The following LRRC49 variants were observed in gnomAD, a reference collection of about 807,000 sequenced individuals.
LRRC49 encodes the protein leucine-rich repeat-containing protein 49.
Under a neutral mutation model 83.3 loss-of-function variants are expected in LRRC49, and 50 were observed. That is an observed-to-expected ratio of 0.60 (90% CI 0.48 to 0.76). The LOEUF (loss-of-function observed/expected upper bound fraction) is 0.76, where lower values mean the gene tolerates loss of function less well. Among genes scored for constraint, LRRC49 ranks in the 30% least tolerant of loss-of-function variants. LRRC49 has a pLI of 0.00. For missense variants in LRRC49, 704 were observed against 809.1 expected, an observed-to-expected ratio of 0.87 and a Z score of 1.58; for synonymous variants, 286 against 283.3, an observed-to-expected ratio of 1.01 and a Z score of -0.10.
At position 70,984,876 on chromosome 15, in the gene LRRC49, G is replaced by A. The variant is rs531245915; in HGVS notation, c.1169+619G>A. On this transcript the variant is annotated intron_variant, in intron 11 of 15. Transcript: ENST00000260382. ...TTCCCACCTATGAGTGAGAATACGC[G>A]GTGTTTGGTTTTCTGTTCTTGCGAT... Among the ~76,000 whole-genome samples the A allele has an allele frequency of 1.8e-3, 275 of 150,294 alleles. 1 individual carries two copies. The highest frequency in any genetic ancestry group is 6.6e-3 in the African/African-American group (269 of 40,856).
At chr15:70,888,909 G>A (rs1328383968), upstream of LRRC49, among the ~76,000 whole-genome samples, 1 of 152,120 alleles carries the variant, frequency 6.6e-6, no homozygotes, top group East Asian at 1.9e-4. Flanking sequence ...ACATTACTAC[G>A]CACTCTGCAA....
rs2034990499 is a variant in LRRC49, at chr15:70,921,153, C to T, written c.711+1960C>T. On this transcript the variant is annotated intron_variant, in intron 7 of 15. Coordinates refer to ENST00000260382, the MANE Select transcript of LRRC49 (RefSeq NM_017691.5). ...ACTAGATTTGTGTAAGTTCTTGAAT[C>T]CCACACATTTGTGAACTTCCCTTTA... 2.0e-5 allele frequency among the ~76,000 whole-genome samples: 3 copies of T among 152,098 alleles called. No individual in the cohort carries two copies. In the South Asian group the frequency reaches 6.2e-4, roughly 31 times the overall value.
At chr15:70,981,999 A>G (rs1046197472) in intron 10 of LRRC49, among the ~76,000 whole-genome samples, 9 of 151,158 alleles carry the variant, frequency 6.0e-5, no homozygotes, top group Non-Finnish European at 8.8e-5. Flanking sequence ...CTCCTGTCTT[A>G]AAATATGTCT....
At chr15:70,892,623 T>G, upstream of LRRC49, 1 of 1,451,320 alleles carries the variant, frequency 6.9e-7, no homozygotes, top group Non-Finnish European at 9.0e-7. Context: ...TTCCCCAGCT[T>G]ATCCTCCTCC....
chr15:70,970,143 T>C (rs1271081577), intron 9 of LRRC49, among the ~76,000 whole-genome samples: 3 of 152,350 alleles, frequency 2.0e-5, no homozygotes, highest in Non-Finnish European at 4.4e-5. Flanking sequence ...TATTTTGAGA[T>C]ATGTTCCATC....
chr15:70,949,683 TACAATACCTATC>T (rs1422089968), intron 8 of LRRC49, among the ~76,000 whole-genome samples: 6 of 152,336 alleles, frequency 3.9e-5, no homozygotes, highest in African/African-American at 1.4e-4. Context: ...CTAGATTTCT[TACAATACCTATC>T]ACAATACCTA....
chr15:70,918,833 G>A (rs1007952138), intron 6 of LRRC49: 9 of 441,954 alleles, frequency 2.0e-5, no homozygotes, highest in African/African-American at 1.4e-4. Flanking sequence ...TGTTTACTAT[G>A]GTCAAATTGT....
chr15:70,930,808 C>G (rs1357752982), intron 7 of LRRC49, among the ~76,000 whole-genome samples: 1 of 152,190 alleles, frequency 6.6e-6, no homozygotes, highest in Non-Finnish European at 1.5e-5. Context: ...ACCTCATGAA[C>G]CAACCTCTGC....
At chr15:70,906,211 C>G (rs1248621669) in intron 5 of LRRC49, among the ~76,000 whole-genome samples, 1 of 151,708 alleles carries the variant, frequency 6.6e-6, no homozygotes, top group Non-Finnish European at 1.5e-5. Context: ...ATTGTCCTGC[C>G]TCAGCCTCCC....
intron 8 of LRRC49, among the ~76,000 whole-genome samples, chr15:70,946,011 A>G (rs2035995979): frequency 6.6e-6 from 1 of 152,212 alleles, no homozygotes; most frequent in African/African-American, 2.4e-5. Flanking sequence ...TTTGATATAT[A>G]TATATACACA....
intron 2 of LRRC49, chr15:70,882,807 A>T (rs1472998395): frequency 6.2e-7 from 1 of 1,614,058 alleles, no homozygotes; most frequent in East Asian, 2.2e-5. Flanking sequence ...GTGTACTTTT[A>T]TGCACTGGGC....
intron 14 of LRRC49, among the ~76,000 whole-genome samples, chr15:71,030,285 G>A (rs961094222): frequency 1.8e-4 from 28 of 152,096 alleles, no homozygotes; most frequent in Admixed American, 1.8e-3. Flanking sequence ...AGCTTAGTTT[G>A]GCTGGATATG....
At chr15:70,919,290 C>A in intron 7 of LRRC49, 97 bp downstream of exon 7, 1 of 1,097,742 alleles carries the variant, frequency 9.1e-7, no homozygotes, top group Non-Finnish European at 1.3e-6. Context: ...TAAGAATCTA[C>A]GGTTATTTAG....
intron 2 of LRRC49, among the ~76,000 whole-genome samples, chr15:70,886,279 C>T (rs946251516): frequency 6.6e-6 from 1 of 152,068 alleles, no homozygotes; most frequent in Non-Finnish European, 1.5e-5. Context: ...AGGTATTCCA[C>T]AAAATATCTC....
rs1177314389 is a variant in LRRC49 at position 71,053,555 on chromosome 15, A to T, written c.*3943A>T. ...ATATGAGTTGGGAGTTGAGAAGTATAGATTGGGCTAGAATTATAGAATTTG... is the reference window on the plus strand; with the variant it reads ...ATATGAGTTGGGAGTTGAGAAGTATTGATTGGGCTAGAATTATAGAATTTG... On this transcript the variant is annotated 3_prime_UTR_variant, in exon 16 of 16. Coordinates refer to ENST00000260382, the MANE Select transcript of LRRC49 (RefSeq NM_017691.5). The T allele has an allele frequency of 6.6e-6, 1 of 152,278 alleles. No homozygotes were observed. Among genetic ancestry groups the T allele is most frequent in the East Asian group, 1.9e-4 (1 of 5,206 alleles). The allele number at this position is 152,278 out of a possible 1,614,324, so 9.4% of individuals were successfully genotyped here.
At chr15:70,950,179 A>G (rs1237769911) in intron 8 of LRRC49, among the ~76,000 whole-genome samples, 17 of 152,162 alleles carry the variant, frequency 1.1e-4, no homozygotes, top group Non-Finnish European at 2.5e-4. Flanking sequence ...TATGGTGTAT[A>G]TGTACCACAT....
At position 70,940,166 on chromosome 15, in the gene LRRC49, C is replaced by A. The variant is rs538960818; in HGVS notation, c.773+3344C>A. Among the ~76,000 whole-genome samples, 14 of 151,818 alleles carry A rather than the reference C, an allele frequency of 9.2e-5. 1 individual carries two copies. In the South Asian group the frequency reaches 2.3e-3, roughly 25 times the overall value. On this transcript the variant is annotated intron_variant, in intron 8 of 15. Coordinates refer to ENST00000260382, the MANE Select transcript of LRRC49 (RefSeq NM_017691.5). Reference sequence around the variant, plus strand: ...AAAGAATCTATTTCTATTTAGGAAACCTTAAACTGCCCTGCAGTTGTCTAA... The same window carrying A: ...AAAGAATCTATTTCTATTTAGGAAAACTTAAACTGCCCTGCAGTTGTCTAA...
At chr15:71,006,832 C>G (rs181400713) in intron 11 of LRRC49, among the ~76,000 whole-genome samples, 31 of 152,136 alleles carry the variant, frequency 2.0e-4, no homozygotes, top group Admixed American at 1.9e-3. Context: ...TGAAGCTGTC[C>G]TTTGTTCTGT....
At chr15:70,931,190 A>G (rs1381935197) in intron 7 of LRRC49, among the ~76,000 whole-genome samples, 1 of 152,072 alleles carries the variant, frequency 6.6e-6, no homozygotes, top group Non-Finnish European at 1.5e-5. Flanking sequence ...CTTAGAGACC[A>G]TTGTAGGGGT....
Sources: allele counts gnomAD v4.1 joint callset (sites outside exome capture counted in the v4.1 genomes callset), GRCh38; gene constraint gnomAD v4.1.1; transcripts MANE v1.5; gene names NCBI Gene and HGNC (gene_info 2026-07-23, HGNC 2026-07-21).